The following RP1 variants were observed in gnomAD, a reference collection of about 807,000 sequenced individuals.
RP1 encodes oxygen-regulated protein 1.
RP1 carries 16 observed loss-of-function variants against 14.8 expected under a neutral mutation model. That is an observed-to-expected ratio of 1.08 (90% confidence interval 0.73 to 1.65). RP1 has a LOEUF of 1.65. Ranked by LOEUF, RP1 falls within the 40% of genes most tolerant of loss-of-function variation. The probability of loss-of-function intolerance (pLI) is 0.00; values close to 1 mark genes in which losing one functional copy is unlikely to be tolerated. For missense variants in RP1, 2,631 were observed against 2,535.0 expected (o/e 1.04, Z -0.81); for synonymous variants, 876 against 883.6 (o/e 0.99, Z 0.15).
chr8:54,657,554 C>T (rs1263298226), intron 6 of RP1, among the ~76,000 whole-genome samples: 4 of 152,020 alleles, frequency 2.6e-5, no homozygotes, highest in Non-Finnish European at 5.9e-5. Flanking sequence ...ATCTAATATT[C>T]TAGCTAAGAT....
intron 3 of RP1, among the ~76,000 whole-genome samples, chr8:54,624,161 G>T (rs1171159161): frequency 6.6e-6 from 1 of 151,992 alleles, no homozygotes; most frequent in Non-Finnish European, 1.5e-5. Context: ...AAACACATAG[G>T]CTGAGCGTGG....
At chr8:54,843,110 A>G (rs866384513) in intron 25 of RP1, among the ~76,000 whole-genome samples, 2 of 152,084 alleles carry the variant, frequency 1.3e-5, no homozygotes, top group Middle Eastern at 3.2e-3. Context: ...GCTGTGGTGC[A>G]ATTTCAGCTC....
intron 12 of RP1, among the ~76,000 whole-genome samples, chr8:54,686,725 G>C (rs1807571481): frequency 6.6e-6 from 1 of 152,042 alleles, no homozygotes; most frequent in Non-Finnish European, 1.5e-5. Context: ...TTTTAACACT[G>C]AACCCTTGAT....
Position 54,792,909 on chromosome 8 carries a change from T to C in RP1, c.3615+9199T>C, listed in dbSNP as rs185794271. Among the ~76,000 whole-genome samples, 123 of 151,694 alleles carry C rather than the reference T, an allele frequency of 8.1e-4. 1 individual carries two copies. The highest frequency in any genetic ancestry group is 3.5e-3 in the South Asian group (17 of 4,808). ...AAAGATCAATAAAACCAAAAATTAG[T>C]TTTTGGAAAAGATAAACTTAAGCCT... On this transcript the variant is annotated intron_variant, in intron 24 of 28. Transcript: ENST00000637698.
At chr8:54,732,390 G>T (rs2129355118) in intron 17 of RP1, among the ~76,000 whole-genome samples, 1 of 152,232 alleles carries the variant, frequency 6.6e-6, no homozygotes, top group East Asian at 1.9e-4. Flanking sequence ...TTATATGTCT[G>T]TTTTCACCAC....
intron 19 of RP1, among the ~76,000 whole-genome samples, chr8:54,746,391 G>A (rs550615487): frequency 1.6e-4 from 25 of 152,180 alleles, no homozygotes; most frequent in African/African-American, 6.0e-4. Context: ...ATACTTTAGA[G>A]GCCTTTGTGA....
At chr8:54,607,930 G>A (rs1805497136) in intron 1 of RP1, among the ~76,000 whole-genome samples, 1 of 152,114 alleles carries the variant, frequency 6.6e-6, no homozygotes, top group Middle Eastern at 3.2e-3. Flanking sequence ...TGGTTTTCCA[G>A]GTGCTGTCTG....
chr8:54,720,007 G>T lies in RP1; in HGVS notation c.2212-122G>T. 6.2e-6 allele frequency: 5 copies of T among 801,894 alleles called. 1 individual carries two copies. Among genetic ancestry groups the T allele is most frequent in the South Asian group, 6.1e-5 (3 of 48,832 alleles). 49.7% of individuals were successfully genotyped at this position (801,894 alleles called of 1,614,324 possible). A position where few individuals can be genotyped will look rare whatever the true frequency, so the allele number is the denominator to read the frequency against. The stretch of plus-strand genomic sequence containing the variant: ...CACACAGGGCAATTTACGTAAAAAG[G>T]CTCTAGATTTATCATAGTGATTCGA... On this transcript the variant is annotated intron_variant, in intron 15 of 22. Transcript: ENST00000636932.
chr8:54,612,658 C>T (rs568929156), upstream of RP1, among the ~76,000 whole-genome samples: 1 of 152,290 alleles, frequency 6.6e-6, no homozygotes, highest in East Asian at 1.9e-4. Flanking sequence ...TTCTCAAAAT[C>T]CTTCCTTGGT....
At chr8:54,783,409 G>T (rs1217356279) in intron 23 of RP1, 8 of 441,260 alleles carry the variant, frequency 1.8e-5, no homozygotes, top group Middle Eastern at 6.0e-4. Context: ...GGAAATCCAT[G>T]ATAAGCAATT....
chr8:54,682,172 C>T (rs932860686), intron 12 of RP1, among the ~76,000 whole-genome samples: 16 of 152,166 alleles, frequency 1.1e-4, no homozygotes, highest in African/African-American at 3.6e-4. Flanking sequence ...AGTGTAAAAG[C>T]ATGCCTTTTT....
Position 54,757,974 on chromosome 8 carries a change from C to G in RP1, c.3094-948C>G, listed in dbSNP as rs575360385. On this transcript the variant is annotated intron_variant, in intron 21 of 22. Coordinates refer to the RP1 transcript ENST00000636932. ...GAGGTTTCCATCAACAGCATGGAGC[C>G]AATAGTTGAGACAGCATGGAGCCAA... Among the ~76,000 whole-genome samples the G allele has an allele frequency of 1.4e-4, 21 of 152,034 alleles. No homozygotes were observed. In the South Asian group the frequency reaches 3.9e-3, roughly 29 times the overall value.
At chr8:54,859,339 G>C (rs1812284788) in intron 27 of RP1, among the ~76,000 whole-genome samples, 1 of 66,122 alleles carries the variant, frequency 1.5e-5, no homozygotes, top group Non-Finnish European at 3.2e-5. Flanking sequence ...TGTCACTGTA[G>C]GGTGGTGTCC....
intron 25 of RP1, among the ~76,000 whole-genome samples, chr8:54,839,200 C>G (rs989254057): frequency 3.9e-5 from 6 of 152,100 alleles, no homozygotes; most frequent in Non-Finnish European, 8.8e-5. Context: ...TTCTTTACTC[C>G]CCTTTGAGCC....
intron 25 of RP1, among the ~76,000 whole-genome samples, chr8:54,842,666 C>G (rs774456380): frequency 4.6e-5 from 7 of 152,202 alleles, no homozygotes; most frequent in Non-Finnish European, 1.0e-4. Flanking sequence ...GAGTGACCCT[C>G]TTAAAATGTC....
intron 1 of RP1, among the ~76,000 whole-genome samples, chr8:54,586,683 C>T (rs1240564476): frequency 6.6e-6 from 1 of 152,200 alleles, no homozygotes; most frequent in Non-Finnish European, 1.5e-5. Flanking sequence ...CCTACTCAAG[C>T]CTTGGCAATG....
chr8:54,650,295 C>T lies in RP1; in HGVS notation c.951+1147C>T, dbSNP rs1227205595. Reference sequence around the variant, plus strand: ...ATGGCTTTATTAAATGCAGTAATTTCATGCCAATTTTGATCACAGTTTCGT... The same window carrying T: ...ATGGCTTTATTAAATGCAGTAATTTTATGCCAATTTTGATCACAGTTTCGT... On this transcript the variant is annotated intron_variant, in intron 4 of 22. Coordinates refer to the RP1 transcript ENST00000636932. Among the ~76,000 whole-genome samples, 4 of 152,260 alleles carry T rather than the reference C, an allele frequency of 2.6e-5. No individual in the cohort carries two copies. In the East Asian group the frequency reaches 7.7e-4, roughly 29 times the overall value.
intron 1 of RP1, among the ~76,000 whole-genome samples, chr8:54,607,658 C>G (rs1382187423): frequency 6.6e-6 from 1 of 152,188 alleles, no homozygotes; most frequent in Non-Finnish European, 1.5e-5. Context: ...TCTATAGAGG[C>G]AGGCAGGCCT....
chr8:54,644,139 T>G (rs1806501139), intron 3 of RP1, among the ~76,000 whole-genome samples: 1 of 152,198 alleles, frequency 6.6e-6, no homozygotes. Context: ...ATTATTTGTT[T>G]CTAAAATGCA....
Sources: gnomAD v4.1 joint callset for allele counts (sites outside exome capture counted in the v4.1 genomes callset) on GRCh38, gnomAD v4.1.1 for gene constraint, MANE v1.5 for transcripts, NCBI Gene and HGNC (gene_info 2026-07-23, HGNC 2026-07-21) for gene names.